Variants in WDPCP observed in about 807,000 individuals in gnomAD.
WDPCP encodes the protein WD repeat-containing and planar cell polarity effector protein fritz homolog.
WDPCP carries 71 observed loss-of-function variants against 93.1 expected under a neutral mutation model. The ratio of observed to expected loss-of-function variants is 0.76; its 90% CI spans 0.63 to 0.93. The LOEUF is 0.93. WDPCP is among the 40% of genes least tolerant of loss of function. WDPCP has a pLI of 0.00. For missense variants in WDPCP, 844 were observed against 887.4 expected, an observed-to-expected ratio of 0.95 and a Z score of 0.62; for synonymous variants, 315 against 315.0, an observed-to-expected ratio of 1.00 and a Z score of 0.00.
At chr2:63,553,724 T>G (rs1336157936) in intron 1 of WDPCP, among the ~76,000 whole-genome samples, 1 of 152,184 alleles carries the variant, frequency 6.6e-6, no homozygotes, top group Non-Finnish European at 1.5e-5. Flanking sequence ...AGAGGGTTGT[T>G]TTTCTAGCTT....
chr2:63,321,268 C>T (rs865914858), intron 12 of WDPCP, among the ~76,000 whole-genome samples: 3 of 151,884 alleles, frequency 2.0e-5, no homozygotes, highest in African/African-American at 4.8e-5. Context: ...ATTCATGTAA[C>T]TGATATTATA....
rs143183323 is a variant in WDPCP at position 63,727,399 on chromosome 2, C to T, written n.309-76561G>A. The stretch of plus-strand genomic sequence containing the variant: ...CCTTGCATCCCAGGAATAAAGCCTA[C>T]TTGATCGTATTGGATTAGCATTTTC... On this transcript the variant is annotated intron_variant and non_coding_transcript_variant, in intron 2 of 4. Transcript: ENST00000467687. Among the ~76,000 whole-genome samples the T allele has an allele frequency of 2.7e-3, 418 of 152,298 alleles. 2 individuals carry two copies. The highest frequency in any genetic ancestry group is 4.1e-3 in the Non-Finnish European group (281 of 68,018).
intron 2 of WDPCP, among the ~76,000 whole-genome samples, chr2:63,651,825 T>A (rs1710112899): frequency 6.6e-6 from 1 of 152,214 alleles, no homozygotes; most frequent in Non-Finnish European, 1.5e-5. Context: ...AAACTACCCA[T>A]CACAACTTCT....
At chr2:63,330,974 A>T (rs182948897) in intron 12 of WDPCP, among the ~76,000 whole-genome samples, 197 of 148,176 alleles carry the variant, frequency 1.3e-3, no homozygotes, top group Middle Eastern at 3.5e-3. Context: ...AGGTTCAAGG[A>T]TCCTCCCACC....
chr2:63,599,199 C>T, intron 3 of WDPCP: 1 of 1,613,702 alleles, frequency 6.2e-7, no homozygotes, highest in Non-Finnish European at 8.5e-7. Flanking sequence ...CAGCCAATAC[C>T]AACTGCCTGA....
intron 12 of WDPCP, among the ~76,000 whole-genome samples, chr2:63,329,131 G>C (rs1003773864): frequency 3.9e-5 from 6 of 152,176 alleles, no homozygotes; most frequent in African/African-American, 1.4e-4. Flanking sequence ...CTGTACGTTA[G>C]ATCTCTAGGT....
intron 12 of WDPCP, among the ~76,000 whole-genome samples, chr2:63,335,928 C>T (rs1401033968): frequency 2.0e-5 from 3 of 152,176 alleles, no homozygotes; most frequent in Non-Finnish European, 4.4e-5. Flanking sequence ...AGAGCGACCT[C>T]TGGTCATCCT....
chr2:63,599,103 A>C (rs1444946381), intron 3 of WDPCP: 1 of 1,515,476 alleles, frequency 6.6e-7, no homozygotes, highest in African/African-American at 1.4e-5. Context: ...TTTTCAGTCA[A>C]ATTTTAACAT....
intron 14 of WDPCP, among the ~76,000 whole-genome samples, chr2:63,233,926 C>T (rs571041018): frequency 1.1e-4 from 17 of 152,222 alleles, no homozygotes; most frequent in Admixed American, 1.1e-3. Flanking sequence ...CCCAGCCAAC[C>T]TACCCAGTAT....
chr2:63,643,450 C>A, intron 3 of WDPCP: 1 of 328,402 alleles, frequency 3.0e-6, no homozygotes, highest in Admixed American at 4.0e-5. Flanking sequence ...ATGAAAAGAT[C>A]CAGGATGTCT....
intron 2 of WDPCP, chr2:63,752,008 C>T: frequency 1.6e-6 from 1 of 626,906 alleles, no homozygotes; most frequent in East Asian, 3.3e-5. Flanking sequence ...TCCACTGAAA[C>T]AACCTCCACA....
chr2:63,140,478 A>G (rs573822775), intron 17 of WDPCP, among the ~76,000 whole-genome samples: 4 of 151,750 alleles, frequency 2.6e-5, no homozygotes, highest in African/African-American at 9.7e-5. Context: ...TGCGTCATCT[A>G]TGATTTCTTT....
intron 6 of WDPCP, among the ~76,000 whole-genome samples, chr2:63,465,384 T>C (rs978104512): frequency 2.6e-5 from 4 of 152,146 alleles, no homozygotes; most frequent in African/African-American, 7.2e-5. Flanking sequence ...ACTACTATGC[T>C]GCACATCAGA....
chr2:63,225,336 A>T (rs977154463), intron 14 of WDPCP, among the ~76,000 whole-genome samples: 1 of 151,884 alleles, frequency 6.6e-6, no homozygotes, highest in Non-Finnish European at 1.5e-5. Context: ...AGAAAAATAC[A>T]AATTAAGTAA....
At chr2:63,449,619 G>A (rs758288506) in intron 6 of WDPCP, among the ~76,000 whole-genome samples, 10 of 152,046 alleles carry the variant, frequency 6.6e-5, no homozygotes, top group Non-Finnish European at 1.2e-4. Context: ...GCTGCAATCT[G>A]AACCACAAGA....
At chr2:63,456,944 G>GGAGGTTGCAGTGAGCC (rs772257737) in intron 6 of WDPCP, among the ~76,000 whole-genome samples, 6 of 152,044 alleles carry the variant, frequency 3.9e-5, no homozygotes, top group South Asian at 2.1e-4. Context: ...CCTGGGAGGT[G>GGAGGTTGCAGTGAGCC]GAGGTTGCAG....
chr2:63,341,157 C>T (rs189031537), intron 12 of WDPCP, among the ~76,000 whole-genome samples: 3 of 152,294 alleles, frequency 2.0e-5, no homozygotes, highest in Non-Finnish European at 2.9e-5. Context: ...AAGACAGAGT[C>T]TCACTCTGTT....
intron 15 of WDPCP, among the ~76,000 whole-genome samples, chr2:63,164,968 G>A (rs369287935): frequency 4.6e-5 from 7 of 152,158 alleles, no homozygotes; most frequent in African/African-American, 1.4e-4. Context: ...AGGAATAGAG[G>A]AATAGCTACA....
At chr2:63,463,517 G>C (rs1014363316) in intron 6 of WDPCP, among the ~76,000 whole-genome samples, 5 of 152,154 alleles carry the variant, frequency 3.3e-5, no homozygotes, top group African/African-American at 1.2e-4. Flanking sequence ...GGAATATCAA[G>C]GGCCCCCCAG....
Sources: allele counts gnomAD v4.1 joint callset (sites outside exome capture counted in the v4.1 genomes callset), GRCh38; gene constraint gnomAD v4.1.1; transcripts MANE v1.5; gene names NCBI Gene and HGNC (gene_info 2026-07-23, HGNC 2026-07-21).